The following GABRA4 variants were observed in gnomAD, a reference collection of about 807,000 sequenced individuals.
GABRA4 encodes the protein gamma-aminobutyric acid type A receptor subunit alpha4.
In GABRA4, 12 loss-of-function variants were observed where a neutral mutation model predicts 49.7. That is an observed-to-expected ratio of 0.24 (90% CI 0.15 to 0.39). The LOEUF is 0.39. GABRA4 is among the 10% of genes least tolerant of loss of function. The pLI, the probability that GABRA4 is intolerant of heterozygous loss-of-function variation, is 1.00. For missense variants in GABRA4, 506 were observed against 686.0 expected (o/e 0.74, Z 2.93); for synonymous variants, 288 against 240.2 (o/e 1.20, Z -1.84).
At chr4:46,943,538 A>G (rs1721886247) in intron 8 of GABRA4, among the ~76,000 whole-genome samples, 1 of 152,090 alleles carries the variant, frequency 6.6e-6, no homozygotes, top group African/African-American at 2.4e-5. Context: ...GCGGCACCTG[A>G]TTGTTTTCAG....
chr4:46,918,945 A>G lies in GABRA4; in HGVS notation c.*9280T>C, dbSNP rs1720874895. 6.6e-6 allele frequency: 1 copy of G among 151,716 alleles called. No individual in the cohort carries two copies. The highest frequency in any genetic ancestry group is 2.4e-5 in the African/African-American group (1 of 41,432). 9.4% of individuals were successfully genotyped at this position (151,716 alleles called of 1,614,324 possible). ...ATTGTTTTAAATTTAAATAGAAAAAATACATTAGAGGGATATAATGTTTTA... is the reference window on the plus strand; with the variant it reads ...ATTGTTTTAAATTTAAATAGAAAAAGTACATTAGAGGGATATAATGTTTTA... On this transcript the variant is annotated 3_prime_UTR_variant, in exon 9 of 9. Coordinates refer to ENST00000264318, the MANE Select transcript of GABRA4 (RefSeq NM_000809.4).
intron 8 of GABRA4, among the ~76,000 whole-genome samples, chr4:46,956,699 C>T (rs902045150): frequency 3.9e-5 from 6 of 151,976 alleles, no homozygotes; most frequent in Admixed American, 3.9e-4. Context: ...CACCACTTAA[C>T]ATGTGCCTTA....
At chr4:46,975,499 T>C (rs1469909542) in intron 5 of GABRA4, among the ~76,000 whole-genome samples, 1 of 151,990 alleles carries the variant, frequency 6.6e-6, no homozygotes, top group Non-Finnish European at 1.5e-5. Flanking sequence ...CTAATTCCTC[T>C]GAATTGTAAG....
intron 8 of GABRA4, among the ~76,000 whole-genome samples, chr4:46,959,832 A>G (rs991597435): frequency 7.2e-6 from 1 of 138,902 alleles, no homozygotes. Context: ...ATATATATAT[A>G]TATGTGTGTG....
At chr4:46,963,652 C>A (rs186203744) in intron 8 of GABRA4, among the ~76,000 whole-genome samples, 431 of 151,876 alleles carry the variant, frequency 2.8e-3, no homozygotes, top group African/African-American at 9.7e-3. Flanking sequence ...ACTAATACAG[C>A]AGACATTTCT....
At position 46,993,492 on chromosome 4, in the gene GABRA4, C is replaced by T; in HGVS notation, c.-68G>A. On this transcript the variant is annotated 5_prime_UTR_variant, in exon 1 of 9. Transcript: ENST00000264318. ...CTCTTCAGATGCCCTGAGCAGGGTG[C>T]GAGGAGAGGGCAGAGAGGCTCCCGC... 1.3e-6 allele frequency: 2 copies of T among 1,526,450 alleles called. No homozygotes were observed. The highest frequency in any genetic ancestry group is 1.7e-5 in the Admixed American group (1 of 59,054). 94.6% of individuals were successfully genotyped at this position (1,526,450 alleles called of 1,614,324 possible). A position where few individuals can be genotyped will look rare whatever the true frequency, so the allele number is the denominator to read the frequency against.
chr4:46,947,618 CAT>C (rs1166904045), intron 8 of GABRA4, among the ~76,000 whole-genome samples: 2 of 151,810 alleles, frequency 1.3e-5, no homozygotes, highest in Non-Finnish European at 2.9e-5. Context: ...AGAAGAGAAA[CAT>C]ATTTATTGAG....
intron 8 of GABRA4, among the ~76,000 whole-genome samples, chr4:46,932,806 A>T (rs1721486011): frequency 6.6e-6 from 1 of 152,122 alleles, no homozygotes; most frequent in East Asian, 1.9e-4. Flanking sequence ...CCATTCCTCA[A>T]AAAGATTTTG....
rs1721283232 is a variant in GABRA4 at position 46,927,896 on chromosome 4, A to G, written c.*329T>C. On this transcript the variant is annotated 3_prime_UTR_variant, in exon 9 of 9. Coordinates refer to ENST00000264318, the MANE Select transcript of GABRA4 (RefSeq NM_000809.4). ...TGATACTCATAGGGCAGATTTTTAAAATGTCATAGTCTGTTTTCAAATATC... is the reference window on the plus strand; with the variant it reads ...TGATACTCATAGGGCAGATTTTTAAGATGTCATAGTCTGTTTTCAAATATC... 1 of 190,080 alleles carries G rather than the reference A, an allele frequency of 5.3e-6. No homozygotes were observed. The allele number at this position is 190,080 out of a possible 1,614,324, so 11.8% of individuals were successfully genotyped here.
chr4:46,935,533 A>G (rs936810867), intron 8 of GABRA4, among the ~76,000 whole-genome samples: 2 of 152,188 alleles, frequency 1.3e-5, no homozygotes, highest in Non-Finnish European at 2.9e-5. Flanking sequence ...TTATACGTCT[A>G]TGAAAATATG....
intron 7 of GABRA4, among the ~76,000 whole-genome samples, chr4:46,969,817 C>T (rs1722887125): frequency 6.6e-6 from 1 of 151,208 alleles, no homozygotes; most frequent in Non-Finnish European, 1.5e-5. Context: ...CTCTCTTCTG[C>T]TTTCAAACTT....
chr4:46,947,479 G>A (rs1722021386), intron 8 of GABRA4, among the ~76,000 whole-genome samples: 1 of 151,702 alleles, frequency 6.6e-6, no homozygotes, highest in African/African-American at 2.4e-5. Flanking sequence ...TACCACAAAA[G>A]CAGCTGCACT....
At chr4:46,945,250 T>G (rs1721943919) in intron 8 of GABRA4, among the ~76,000 whole-genome samples, 1 of 152,160 alleles carries the variant, frequency 6.6e-6, no homozygotes, top group Admixed American at 6.6e-5. Context: ...TTTCCTCTCC[T>G]GTCTCATACA....
intron 7 of GABRA4, among the ~76,000 whole-genome samples, chr4:46,966,343 A>G (rs965466014): frequency 2.6e-5 from 4 of 151,772 alleles, no homozygotes; most frequent in African/African-American, 7.2e-5. Context: ...TGCATATTGT[A>G]ATCCATGCCA....
chr4:46,956,052 T>A (rs1722349819), intron 8 of GABRA4, among the ~76,000 whole-genome samples: 1 of 152,046 alleles, frequency 6.6e-6, no homozygotes, highest in Admixed American at 6.6e-5. Context: ...AAAAAATGGC[T>A]GGAGATGAAA....
chr4:46,990,420 A>G (rs1370766669), intron 2 of GABRA4, among the ~76,000 whole-genome samples: 1 of 152,212 alleles, frequency 6.6e-6, no homozygotes, highest in Non-Finnish European at 1.5e-5. Flanking sequence ...AAGGATCCAT[A>G]TACAATGGAT....
intron 2 of GABRA4, among the ~76,000 whole-genome samples, chr4:46,983,680 A>C (rs1206891261): frequency 6.6e-6 from 1 of 152,124 alleles, no homozygotes; most frequent in African/African-American, 2.4e-5. Flanking sequence ...GTAATTAAGA[A>C]TAATTCTTAG....
chr4:46,991,972 G>C (rs1723763182), intron 2 of GABRA4, among the ~76,000 whole-genome samples: 1 of 152,226 alleles, frequency 6.6e-6, no homozygotes, highest in Admixed American at 6.5e-5. Flanking sequence ...GGGACTTTGA[G>C]ATCAAAGGAC....
At chr4:46,943,829 A>C (rs879538375) in intron 8 of GABRA4, among the ~76,000 whole-genome samples, 3 of 152,116 alleles carry the variant, frequency 2.0e-5, no homozygotes, top group Non-Finnish European at 2.9e-5. Flanking sequence ...TGTGTAATAC[A>C]GTTATGGGAT....
Sources: allele counts gnomAD v4.1 joint callset (sites outside exome capture counted in the v4.1 genomes callset), GRCh38; gene constraint gnomAD v4.1.1; transcripts MANE v1.5; gene names NCBI Gene and HGNC (gene_info 2026-07-23, HGNC 2026-07-21).